Variants in MLLT10 observed in about 807,000 individuals in gnomAD.
MLLT10 encodes the protein MLLT10 histone lysine methyltransferase DOT1L cofactor.
Under a neutral mutation model 129.1 loss-of-function variants are expected in MLLT10, and 30 were observed. That is an observed-to-expected ratio of 0.23 (90% confidence interval 0.17 to 0.32). The LOEUF is 0.32. MLLT10 is among the 10% of genes least tolerant of loss of function. MLLT10 has a pLI of 1.00. For synonymous variants in MLLT10, 490 were observed against 446.4 expected (o/e 1.10, Z -1.23); for missense variants, 1,119 against 1,268.3 (o/e 0.88, Z 1.79).
At chr10:21,665,211 G>C (rs1463117519) in intron 9 of MLLT10, among the ~76,000 whole-genome samples, 1 of 150,452 alleles carries the variant, frequency 6.6e-6, no homozygotes, top group Non-Finnish European at 1.5e-5. Context: ...CTCTTAAAGT[G>C]TTGGGATTAC....
chr10:21,720,564 C>T (rs1481096262), intron 14 of MLLT10, among the ~76,000 whole-genome samples: 1 of 152,166 alleles, frequency 6.6e-6, no homozygotes, highest in Non-Finnish European at 1.5e-5. Flanking sequence ...CAAATTCAAA[C>T]AATAATATAA....
intron 13 of MLLT10, among the ~76,000 whole-genome samples, chr10:21,702,575 T>C (rs1038801308): frequency 2.0e-5 from 3 of 152,252 alleles, no homozygotes; most frequent in Admixed American, 2.0e-4. Context: ...TCTTTAGGTT[T>C]AGTAATATTT....
At chr10:21,653,100 C>T (rs1230071212) in intron 9 of MLLT10, among the ~76,000 whole-genome samples, 2 of 152,162 alleles carry the variant, frequency 1.3e-5, no homozygotes, top group Admixed American at 1.3e-4. Context: ...GTTGAAATTA[C>T]TACAGTATAC....
chr10:21,688,611 C>T, intron 13 of MLLT10: 2 of 1,301,886 alleles, frequency 1.5e-6, no homozygotes, highest in Non-Finnish European at 2.2e-6. Flanking sequence ...TGGAAACCTT[C>T]CCATACAAAC....
chr10:21,596,057 C>T (rs1185366295), intron 5 of MLLT10, among the ~76,000 whole-genome samples: 1 of 151,858 alleles, frequency 6.6e-6, no homozygotes, highest in African/African-American at 2.4e-5. Flanking sequence ...ACATTCCATC[C>T]GTGGAAGAAA....
At chr10:21,720,285 A>G (rs958534741) in intron 14 of MLLT10, among the ~76,000 whole-genome samples, 8 of 152,216 alleles carry the variant, frequency 5.3e-5, no homozygotes, top group East Asian at 1.9e-4. Flanking sequence ...GAATGATGCA[A>G]TTGAACCTGA....
At chr10:21,707,226 T>C (rs966660357) in intron 13 of MLLT10, among the ~76,000 whole-genome samples, 3 of 145,536 alleles carry the variant, frequency 2.1e-5, no homozygotes, top group Non-Finnish European at 3.0e-5. Context: ...GGAGTTTCGC[T>C]CTGTTGCCCA....
At chr10:21,555,503 G>A (rs1302058451) in intron 3 of MLLT10, among the ~76,000 whole-genome samples, 4 of 151,826 alleles carry the variant, frequency 2.6e-5, no homozygotes, top group Non-Finnish European at 5.9e-5. Flanking sequence ...GATTACAGGC[G>A]TGAGTCACAA....
intron 3 of MLLT10, among the ~76,000 whole-genome samples, chr10:21,558,314 T>C (rs2038333342): frequency 6.6e-6 from 1 of 152,044 alleles, no homozygotes; most frequent in Admixed American, 6.6e-5. Flanking sequence ...CAAATCCTTT[T>C]CTAAAAATTT....
intron 16 of MLLT10, among the ~76,000 whole-genome samples, chr10:21,728,389 A>G (rs1236725922): frequency 6.6e-6 from 1 of 152,200 alleles, no homozygotes; most frequent in Non-Finnish European, 1.5e-5. Flanking sequence ...CAGTTATAGC[A>G]AATGTATTAC....
intron 8 of MLLT10, chr10:21,625,916 A>T: frequency 1.3e-6 from 1 of 786,276 alleles, no homozygotes; most frequent in Non-Finnish European, 2.4e-6. Flanking sequence ...ATCCTCATAT[A>T]CATCTCTTGG....
chr10:21,651,911 T>TC, intron 9 of MLLT10, 143 bp downstream of exon 9: 3 of 517,250 alleles, frequency 5.8e-6, no homozygotes, highest in Non-Finnish European at 9.9e-6. Flanking sequence ...TTCTTTTTTT[T>TC]TTTTTTTTTT....
Position 21,586,497 on chromosome 10 carries a change from A to G in MLLT10, c.295+149A>G, listed in dbSNP as rs746345139. 12 of 730,470 alleles carry G rather than the reference A, an allele frequency of 1.6e-5. No individual in the cohort carries two copies. The East Asian group carries it at 3.0e-4, about 18-fold the overall frequency. The allele number at this position is 730,470 out of a possible 1,614,324, so 45.2% of individuals were successfully genotyped here. ...TGGTGGCTATAATTTATAAATCCTT[A>G]TTGTATTGACCCACAATTTTTCTAC... On this transcript the variant is annotated intron_variant, in intron 4 of 22. Transcript: ENST00000307729.
At chr10:21,670,845 T>A (rs924354861) in intron 10 of MLLT10, 141 bp downstream of exon 10, 2 of 934,212 alleles carry the variant, frequency 2.1e-6, no homozygotes, top group African/African-American at 3.3e-5. Context: ...TTAGTAAGAT[T>A]ACTTTAAAGA....
intron 3 of MLLT10, among the ~76,000 whole-genome samples, chr10:21,567,608 C>G (rs1323836809): frequency 6.6e-6 from 1 of 152,134 alleles, no homozygotes; most frequent in Non-Finnish European, 1.5e-5. Context: ...TTCTCTGACA[C>G]TACCTGGTGG....
intron 9 of MLLT10, among the ~76,000 whole-genome samples, chr10:21,663,124 G>A (rs2050380701): frequency 6.6e-6 from 1 of 152,086 alleles, no homozygotes; most frequent in Non-Finnish European, 1.5e-5. Context: ...GGATCTCTGG[G>A]GGACTCTGTC....
intron 14 of MLLT10, among the ~76,000 whole-genome samples, chr10:21,724,595 A>C (rs143744623): frequency 5.9e-4 from 90 of 152,364 alleles, no homozygotes; most frequent in South Asian, 1.2e-3. Context: ...TCATTCATGA[A>C]AAAGAAGAAC....
In MLLT10 at chr10:21,732,457, A is replaced by G. The variant is rs531438077; in HGVS notation, c.2219-442A>G. Among the ~76,000 whole-genome samples, 211 of 152,366 alleles carry G rather than the reference A, an allele frequency of 1.4e-3. 1 individual carries two copies. The highest frequency in any genetic ancestry group is 4.7e-3 in the African/African-American group (197 of 41,580). On this transcript the variant is annotated intron_variant, in intron 17 of 22. Coordinates refer to ENST00000307729, the MANE Select transcript of MLLT10 (RefSeq NM_001195626.3). The stretch of plus-strand genomic sequence containing the variant: ...TGGCAGCACTTCGTTTAAACCGGAC[A>G]ACAAACAAAAACATGTGCTCATTAT...
chr10:21,644,083 G>A (rs763053376), intron 8 of MLLT10, among the ~76,000 whole-genome samples: 1 of 151,810 alleles, frequency 6.6e-6, no homozygotes, highest in Non-Finnish European at 1.5e-5. Flanking sequence ...TATTACTTTG[G>A]TTATCTCCCT....
Sources: allele counts gnomAD v4.1 joint callset (sites outside exome capture counted in the v4.1 genomes callset), GRCh38; gene constraint gnomAD v4.1.1; transcripts MANE v1.5; gene names NCBI Gene and HGNC (gene_info 2026-07-23, HGNC 2026-07-21).